The following HNF1B variants were observed in gnomAD, a reference collection of about 807,000 sequenced individuals.
The protein encoded by HNF1B is HNF1 homeobox B, also known as hepatocyte nuclear factor 1-beta.
A neutral mutation model predicts 61.7 loss-of-function variants in HNF1B; 8 were observed. That is an observed-to-expected ratio of 0.13 (90% CI 0.08 to 0.23). The LOEUF (loss-of-function observed/expected upper bound fraction) is 0.23. Among genes scored for constraint, HNF1B ranks in the 10% least tolerant of loss-of-function variants. The pLI is 1.00. For synonymous variants in HNF1B, 314 were observed against 287.7 expected, an observed-to-expected ratio of 1.09 and a Z score of -0.93; for missense variants, 562 against 714.5, an observed-to-expected ratio of 0.79 and a Z score of 2.43.
chr17:37,718,913 G>A (rs941283080), intron 4 of HNF1B, among the ~76,000 whole-genome samples: 1 of 152,154 alleles, frequency 6.6e-6, no homozygotes, highest in African/African-American at 2.4e-5. Context: ...ACTGGAGTAT[G>A]TCCATTTATC....
intron 2 of HNF1B, among the ~76,000 whole-genome samples, chr17:37,736,657 C>A (rs1487136491): frequency 1.3e-5 from 2 of 152,230 alleles, no homozygotes; most frequent in Non-Finnish European, 2.9e-5. Context: ...AAACCGATTC[C>A]TGAAGCTTTG....
In HNF1B at chr17:37,731,608, T is replaced by A. The variant is rs1310489292; in HGVS notation, c.1032A>T (p.Pro344=). Residue 344 remains proline, a synonymous_variant, in exon 4 of 9, where the codon CCA becomes CCT. Transcript: ENST00000617811. ...SPHHQPSSSP[P]NKLSGVRYSQ... is the part of the protein sequence containing the mutation. Reference sequence around the variant, plus strand: ...ACCTTTGCTTACCTGACAGCTTGTTTGGAGGAGAGGAGCTGGGCTGGTGGT... The same window carrying A: ...ACCTTTGCTTACCTGACAGCTTGTTAGGAGGAGAGGAGCTGGGCTGGTGGT... The A allele has an allele frequency of 6.2e-7, 1 of 1,612,682 alleles. No homozygotes were observed. Among genetic ancestry groups the A allele is most frequent in the African/African-American group, 1.3e-5 (1 of 74,928 alleles).
At chr17:37,707,902 G>A (rs142827381) in intron 5 of HNF1B, among the ~76,000 whole-genome samples, 41 of 152,230 alleles carry the variant, frequency 2.7e-4, no homozygotes, top group Non-Finnish European at 5.1e-4. Flanking sequence ...AAATGGATTG[G>A]CTTTATTTCC....
chr17:37,698,376 G>A (rs569901916), intron 8 of HNF1B, among the ~76,000 whole-genome samples: 49 of 152,224 alleles, frequency 3.2e-4, no homozygotes, highest in African/African-American at 1.2e-3. Flanking sequence ...AATGAGCCTC[G>A]CCATCAGCTG....
intron 4 of HNF1B, among the ~76,000 whole-genome samples, chr17:37,713,815 C>G (rs1421267280): frequency 6.6e-6 from 1 of 152,218 alleles, no homozygotes; most frequent in African/African-American, 2.4e-5. Context: ...GCTCCTCTCA[C>G]CAAGCATGTG....
At chr17:37,718,376 G>A (rs1305786343) in intron 4 of HNF1B, among the ~76,000 whole-genome samples, 1 of 152,210 alleles carries the variant, frequency 6.6e-6, no homozygotes, top group African/African-American at 2.4e-5. Flanking sequence ...TCAGCCTGAA[G>A]ATTGCTGCTG....
chr17:37,706,257 C>A (rs1041861316), intron 5 of HNF1B, among the ~76,000 whole-genome samples: 11 of 152,158 alleles, frequency 7.2e-5, no homozygotes, highest in African/African-American at 2.7e-4. Context: ...CTGTGCCCAG[C>A]CTCAAAATAA....
At chr17:37,701,983 A>T (rs1276145716) in intron 6 of HNF1B, among the ~76,000 whole-genome samples, 2 of 152,054 alleles carry the variant, frequency 1.3e-5, no homozygotes, top group African/African-American at 4.8e-5. Context: ...CCGGGCCAGC[A>T]CTCTGAGGAT....
chr17:37,689,322 G>A (rs1475509507), intron 8 of HNF1B, among the ~76,000 whole-genome samples: 1 of 151,842 alleles, frequency 6.6e-6, no homozygotes, highest in Non-Finnish European at 1.5e-5. Context: ...CCCACTATCA[G>A]CCTTTTTCCA....
intron 4 of HNF1B, among the ~76,000 whole-genome samples, chr17:37,712,192 CA>C (rs2032956609): frequency 6.6e-6 from 1 of 152,220 alleles, no homozygotes; most frequent in Non-Finnish European, 1.5e-5. Context: ...TTCTATTGGC[CA>C]TTTTCCCCAT....
chr17:37,744,513 G>C (rs774791561), intron 1 of HNF1B, 28 bp downstream of exon 1: 25 of 1,596,938 alleles, frequency 1.6e-5, no homozygotes, highest in Non-Finnish European at 2.0e-5. Context: ...GGTTCGGGTG[G>C]GTCCCCTCCA....
intron 5 of HNF1B, among the ~76,000 whole-genome samples, chr17:37,705,788 G>C (rs2032727204): frequency 6.6e-6 from 1 of 152,018 alleles, no homozygotes; most frequent in Non-Finnish European, 1.5e-5. Flanking sequence ...AGAACTTACA[G>C]TATTAAACAA....
chr17:37,700,377 A>C (rs1448668999), intron 7 of HNF1B, among the ~76,000 whole-genome samples: 1 of 152,224 alleles, frequency 6.6e-6, no homozygotes, highest in Non-Finnish European at 1.5e-5. Context: ...TATGAGAAAC[A>C]GTCTGTGTGC....
intron 4 of HNF1B, among the ~76,000 whole-genome samples, chr17:37,725,258 T>C (rs1275177185): frequency 6.6e-6 from 1 of 152,214 alleles, no homozygotes; most frequent in Non-Finnish European, 1.5e-5. Flanking sequence ...CAAGGAGTCC[T>C]TGAATCGTCT....
At chr17:37,729,519 A>G (rs1397844829) in intron 4 of HNF1B, 4 of 152,154 alleles carry the variant, frequency 2.6e-5, no homozygotes, top group Non-Finnish European at 5.9e-5. Context: ...CAGAAACAGT[A>G]ATAGGATCTA....
intron 8 of HNF1B, among the ~76,000 whole-genome samples, chr17:37,691,892 C>G (rs2032217375): frequency 1.3e-5 from 2 of 152,126 alleles, no homozygotes; most frequent in African/African-American, 4.8e-5. Flanking sequence ...TGTCAGTGCC[C>G]TGACTAGTTA....
intron 8 of HNF1B, among the ~76,000 whole-genome samples, chr17:37,691,418 G>A (rs1341602367): frequency 6.6e-6 from 1 of 152,164 alleles, no homozygotes; most frequent in Non-Finnish European, 1.5e-5. Context: ...CAACAGCAAG[G>A]CTTGTGCTCT....
chr17:37,733,844 T>C, intron 2 of HNF1B, 23 bp from the exon 3 acceptor site: 1 of 1,612,780 alleles, frequency 6.2e-7, no homozygotes, highest in South Asian at 1.1e-5. Context: ...AGGAGTAGAT[T>C]TGATAGGGTC....
At chr17:37,743,647 C>G (rs1456166770) in intron 1 of HNF1B, among the ~76,000 whole-genome samples, 1 of 152,232 alleles carries the variant, frequency 6.6e-6, no homozygotes, top group Non-Finnish European at 1.5e-5. Context: ...CGTGCTGTCT[C>G]AGGGAACCGC....
Sources: allele counts gnomAD v4.1 joint callset (sites outside exome capture counted in the v4.1 genomes callset), GRCh38; gene constraint gnomAD v4.1.1; transcripts MANE v1.5; gene names NCBI Gene and HGNC (gene_info 2026-07-23, HGNC 2026-07-21).